Variants in NANOGNB observed in about 807,000 individuals in gnomAD.
The protein encoded by NANOGNB is NANOG neighbor homeobox.
Under a neutral mutation model 25.0 loss-of-function variants are expected in NANOGNB, and 30 were observed. The observed-to-expected ratio is 1.20, with a 90% CI of 0.90 to 1.63. The LOEUF (loss-of-function observed/expected upper bound fraction) is 1.63, where lower values mean the gene tolerates loss of function less well. Ranked by LOEUF, NANOGNB falls within the 40% of genes most tolerant of loss-of-function variation. The pLI is 0.00. For missense variants in NANOGNB, 200 were observed against 188.1 expected, an observed-to-expected ratio of 1.06 and a Z score of -0.37; for synonymous variants, 84 against 62.1, an observed-to-expected ratio of 1.35 and a Z score of -1.66.
Position 7,770,309 on chromosome 12 carries a change from TAAAC to T in NANOGNB, c.431_434del (p.Lys144ArgfsTer2). The stretch of plus-strand genomic sequence containing the variant: ...TGTCATTTGAATTTGACATGACACA[TAAAC>T]AGGTATGACAACATTAATAGACATT... On this transcript the variant is annotated frameshift_variant and splice_region_variant, in exon 2 of 4. Transcript: ENST00000382119. LOFTEE classifies it high-confidence loss of function. 2 of 1,531,648 alleles carry T rather than the reference TAAAC, an allele frequency of 1.3e-6. No individual in the cohort carries two copies. The highest frequency in any genetic ancestry group is 1.8e-6 in the Non-Finnish European group (2 of 1,140,570). 94.9% of individuals were successfully genotyped at this position (1,531,648 alleles called of 1,614,324 possible).
intron 1 of NANOGNB, among the ~76,000 whole-genome samples, chr12:7,767,941 G>A (rs1697197208): frequency 6.6e-6 from 1 of 151,826 alleles, no homozygotes; most frequent in Admixed American, 6.6e-5. Context: ...TTGAACTCCT[G>A]GGCTCAAGCA....
chr12:7,772,478 C>G (rs1862580585), intron 3 of NANOGNB, among the ~76,000 whole-genome samples: 1 of 151,374 alleles, frequency 6.6e-6, no homozygotes, highest in African/African-American at 2.4e-5. Context: ...GGGGTTTCAC[C>G]ATGTTAGCCA....
intron 1 of NANOGNB, among the ~76,000 whole-genome samples, chr12:7,769,139 T>C (rs1167461154): frequency 6.6e-6 from 1 of 152,054 alleles, no homozygotes; most frequent in African/African-American, 2.4e-5. Context: ...GACAATTCCC[T>C]GCAATGAATT....
chr12:7,771,466 G>A (rs1455915485), intron 3 of NANOGNB, among the ~76,000 whole-genome samples: 3 of 152,122 alleles, frequency 2.0e-5, no homozygotes, highest in Non-Finnish European at 4.4e-5. Flanking sequence ...TGATCCGCCT[G>A]CCTCGGCCTC....
intron 3 of NANOGNB, among the ~76,000 whole-genome samples, 170 bp from the exon 4 acceptor site, chr12:7,773,630 G>T (rs927002914): frequency 6.0e-5 from 9 of 149,342 alleles, no homozygotes; most frequent in Non-Finnish European, 1.2e-4. Flanking sequence ...GGAGGCTGAG[G>T]CAGGAGAATT....
At chr12:7,767,120 C>T (rs1865252984) in intron 1 of NANOGNB, among the ~76,000 whole-genome samples, 1 of 152,108 alleles carries the variant, frequency 6.6e-6, no homozygotes, top group Admixed American at 6.6e-5. Context: ...GGATTACAGG[C>T]GGGAACCACC....
intron 3 of NANOGNB, among the ~76,000 whole-genome samples, chr12:7,771,777 T>C (rs778132316): frequency 2.0e-5 from 3 of 151,976 alleles, no homozygotes; most frequent in African/African-American, 4.8e-5. Flanking sequence ...CGCGCCACTA[T>C]GCCCAGCTAA....
rs1218342743 is a variant in NANOGNB, at chr12:7,770,283, C to T, written c.403C>T (p.Leu135=). 1.0e-5 allele frequency: 16 copies of T among 1,532,522 alleles called. No homozygotes were observed. In the Admixed American group the frequency reaches 3.1e-4, roughly 30 times the overall value. The allele number at this position is 1,532,522 out of a possible 1,614,324, so 94.9% of individuals were successfully genotyped here. A position where few individuals can be genotyped will look rare whatever the true frequency, so the allele number is the denominator to read the frequency against. The change falls in exon 2 of 4, where the codon CTG becomes TTG. Residue 135 remains leucine (L), a synonymous_variant. Transcript: ENST00000382119. ...RCPTIQESLS[L]SFEFDMTHKQ... The stretch of plus-strand genomic sequence containing the variant: ...CCCCACTATACAAGAGAGTCTATCA[C>T]TGTCATTTGAATTTGACATGACACA...
At position 7,771,253 on chromosome 12, in the gene NANOGNB, C is replaced by T. The variant is rs144833563; in HGVS notation, c.515+735C>T. Among the ~76,000 whole-genome samples, 806 of 152,232 alleles carry T rather than the reference C, an allele frequency of 5.3e-3. 5 individuals carry two copies. Among genetic ancestry groups the T allele is most frequent in the African/African-American group, 0.018 (744 of 41,548 alleles). Reference sequence around the variant, plus strand: ...TGCTTGTTTTTGAGACGGAGTCTTGCGCTCTCGCCCAGGCTGGAGTGCAGT... The same window carrying T: ...TGCTTGTTTTTGAGACGGAGTCTTGTGCTCTCGCCCAGGCTGGAGTGCAGT... On this transcript the variant is annotated intron_variant, in intron 3 of 3. Transcript: ENST00000382119.
In NANOGNB at chr12:7,772,065, T is replaced by C. The variant is rs140142305; in HGVS notation, c.515+1547T>C. Among the ~76,000 whole-genome samples the C allele has an allele frequency of 1.4e-4, 22 of 152,272 alleles. 1 individual carries two copies. Among genetic ancestry groups the C allele is most frequent in the South Asian group, 4.1e-4 (2 of 4,832 alleles). On this transcript the variant is annotated intron_variant, in intron 3 of 3. Coordinates refer to ENST00000382119, the MANE Select transcript of NANOGNB (RefSeq NM_001145465.1). ...TCATCACTGTGCCAACCGACAAGAA[T>C]AGAACTCCAAATGTCTCCACTCAAT...
At chr12:7,767,962 C>T (rs1240696608) in intron 1 of NANOGNB, among the ~76,000 whole-genome samples, 1 of 152,092 alleles carries the variant, frequency 6.6e-6, no homozygotes, top group African/African-American at 2.4e-5. Flanking sequence ...GTCCTCTCGC[C>T]TCGGCCTCCC....
At position 7,770,288 on chromosome 12, in the gene NANOGNB, A is replaced by T. The variant is rs1021121764; in HGVS notation, c.408A>T (p.Ser136=). 46 of 1,531,534 alleles carry T rather than the reference A, an allele frequency of 3.0e-5. No homozygotes were observed. Among genetic ancestry groups the T allele is most frequent in the Non-Finnish European group, 3.9e-5 (45 of 1,141,188 alleles). The allele number at this position is 1,531,534 out of a possible 1,614,324, so 94.9% of individuals were successfully genotyped here. ...CPTIQESLSL[S]FEFDMTHKQI... Reference sequence around the variant, plus strand: ...CTATACAAGAGAGTCTATCACTGTCATTTGAATTTGACATGACACATAAAC... The same window carrying T: ...CTATACAAGAGAGTCTATCACTGTCTTTTGAATTTGACATGACACATAAAC... The change falls in exon 2 of 4, where the codon TCA becomes TCT. Residue 136 remains serine, a synonymous_variant. Coordinates refer to ENST00000382119, the MANE Select transcript of NANOGNB (RefSeq NM_001145465.1).
At chr12:7,768,783 C>T (rs1865266808) in intron 1 of NANOGNB, among the ~76,000 whole-genome samples, 1 of 152,136 alleles carries the variant, frequency 6.6e-6, no homozygotes, top group East Asian at 1.9e-4. Context: ...CTGCCCGCCT[C>T]AGCCTCCCAA....
In NANOGNB at chr12:7,770,252, C is replaced by T. The variant is rs1389050325; in HGVS notation, c.372C>T (p.Asn124=). The part of the protein sequence containing the change: ...MHTLWAKFKL[N]RCPTIQESLS... ...CTCTCTGGGCAAAGTTTAAGTTAAA[C>T]AGGTGCCCCACTATACAAGAGAGTC... is the stretch of plus-strand genomic sequence containing the variant. Residue 124 remains asparagine (N), a synonymous_variant, in exon 2 of 4, where the codon AAC becomes AAT. Coordinates refer to ENST00000382119, the MANE Select transcript of NANOGNB (RefSeq NM_001145465.1). The T allele has an allele frequency of 6.5e-7, 1 of 1,549,906 alleles. No homozygotes were observed. Among genetic ancestry groups the T allele is most frequent in the Non-Finnish European group, 8.7e-7 (1 of 1,146,594 alleles).
chr12:7,770,192 C>T lies in NANOGNB; in HGVS notation c.312C>T (p.Pro104=), dbSNP rs774424251. 8.1e-5 allele frequency: 126 copies of T among 1,551,754 alleles called. No individual in the cohort carries two copies. Among genetic ancestry groups the T allele is most frequent in the Non-Finnish European group, 1.0e-4 (119 of 1,146,964 alleles). Residue 104 remains proline, a synonymous_variant, in exon 2 of 4, where the codon CCC becomes CCT. Coordinates refer to ENST00000382119, the MANE Select transcript of NANOGNB (RefSeq NM_001145465.1). ...AAAATGAGAAACAGAAACAGTATCC[C>T]GAGAAAAGATTAGTCAGCAAATCCC... ...KRENEKQKQY[P]EKRLVSKSLM...
intron 1 of NANOGNB, among the ~76,000 whole-genome samples, chr12:7,766,392 G>C (rs914324702): frequency 5.3e-5 from 8 of 152,120 alleles, no homozygotes; most frequent in Non-Finnish European, 7.4e-5. Flanking sequence ...AGAATCCTTC[G>C]AGCCCAGAAG....
Position 7,774,102 on chromosome 12 carries a change from GA to G in NANOGNB, c.*259del, listed in dbSNP as rs533703331. ...ATGGATGTTAATTGATTTTATTTAA[GA>G]AAAAAAATCGAGTCAAGGCCGGGCA... On this transcript the variant is annotated 3_prime_UTR_variant, in exon 4 of 4. Coordinates refer to ENST00000382119, the MANE Select transcript of NANOGNB (RefSeq NM_001145465.1). The G allele has an allele frequency of 4.3e-3, 1,181 of 274,768 alleles. 2 individuals carry two copies. The highest frequency in any genetic ancestry group is 7.1e-3 in the Non-Finnish European group (1,061 of 149,168). 17.0% of individuals were successfully genotyped at this position (274,768 alleles called of 1,614,324 possible).
In NANOGNB at chr12:7,773,958, AG is replaced by A; in HGVS notation, c.*109del. On this transcript the variant is annotated 3_prime_UTR_variant, in exon 4 of 4. Transcript: ENST00000382119. ...TCTCACCAATAAATGGAGTTCTGAA[AG>A]GATAAACAAGAAAACATTAACAGTC... 2 of 490,310 alleles carry A rather than the reference AG, an allele frequency of 4.1e-6. No homozygotes were observed. The highest frequency in any genetic ancestry group is 7.1e-6 in the Non-Finnish European group (2 of 279,842). The allele number at this position is 490,310 out of a possible 1,614,324, so 30.4% of individuals were successfully genotyped here.
intron 1 of NANOGNB, among the ~76,000 whole-genome samples, chr12:7,769,220 T>C (rs2120515038): frequency 6.6e-6 from 1 of 152,134 alleles, no homozygotes; most frequent in Non-Finnish European, 1.5e-5. Context: ...AGTGCAATGG[T>C]GCGATATCGG....
Sources: allele counts gnomAD v4.1 joint callset (sites outside exome capture counted in the v4.1 genomes callset), GRCh38; gene constraint gnomAD v4.1.1; transcripts MANE v1.5; gene names NCBI Gene and HGNC (gene_info 2026-07-23, HGNC 2026-07-21).